Variants in ABCA4 observed in about 807,000 individuals in gnomAD.
The protein encoded by ABCA4 is retinal-specific phospholipid-transporting ATPase ABCA4.
In ABCA4, 196 loss-of-function variants were observed where a neutral mutation model predicts 263.7. The ratio of observed to expected loss-of-function variants is 0.74; its 90% CI spans 0.66 to 0.84. ABCA4 has a LOEUF of 0.84. Ranked by LOEUF, ABCA4 falls within the 40% of genes least tolerant of loss-of-function variation. The pLI, the probability that ABCA4 is intolerant of heterozygous loss-of-function variation, is 0.00. For synonymous variants in ABCA4, 1,133 were observed against 1,094.2 expected (o/e 1.04, Z -0.70); for missense variants, 2,792 against 2,855.1 (o/e 0.98, Z 0.50).
intron 30 of ABCA4, among the ~76,000 whole-genome samples, chr1:94,028,691 G>C (rs980328849): frequency 1.3e-5 from 2 of 152,018 alleles, no homozygotes; most frequent in African/African-American, 4.8e-5. Flanking sequence ...TAGATCACTT[G>C]AGGCCAGGAG....
rs547098179 is a variant in ABCA4 at position 94,056,506 on chromosome 1, T to G, written c.2382+95A>C. The G allele has an allele frequency of 3.6e-4, 487 of 1,341,092 alleles. 1 individual carries two copies. The highest frequency in any genetic ancestry group is 4.8e-4 in the Non-Finnish European group (458 of 954,110). The allele number at this position is 1,341,092 out of a possible 1,614,324, so 83.1% of individuals were successfully genotyped here. Reference sequence around the variant, plus strand: ...TTTTAACCTTAGGTCAAAGGCAAAGTGGACCCCCTCAGAGGGCAGGCTGGG... The same window carrying G: ...TTTTAACCTTAGGTCAAAGGCAAAGGGGACCCCCTCAGAGGGCAGGCTGGG... On this transcript the variant is annotated intron_variant, in intron 15 of 49. Coordinates refer to ENST00000370225, the MANE Select transcript of ABCA4 (RefSeq NM_000350.3).
At chr1:94,036,301 C>T (rs1660333942) in intron 26 of ABCA4, among the ~76,000 whole-genome samples, 1 of 150,526 alleles carries the variant, frequency 6.6e-6, no homozygotes, top group Non-Finnish European at 1.5e-5. Flanking sequence ...ATCTAGGATG[C>T]AAAATGCCTA....
At chr1:94,004,216 A>G (rs1431449741) in intron 44 of ABCA4, among the ~76,000 whole-genome samples, 2 of 152,058 alleles carry the variant, frequency 1.3e-5, no homozygotes, top group African/African-American at 4.8e-5. Flanking sequence ...ACACATCTGC[A>G]TGCACCCACA....
intron 11 of ABCA4, among the ~76,000 whole-genome samples, chr1:94,065,032 T>G (rs1661228908): frequency 6.6e-6 from 1 of 152,162 alleles, no homozygotes; most frequent in Non-Finnish European, 1.5e-5. Flanking sequence ...CCTGGAATCC[T>G]CATTTTACTG....
At chr1:94,072,468 G>A (rs1266255483) in intron 11 of ABCA4, among the ~76,000 whole-genome samples, 1 of 152,134 alleles carries the variant, frequency 6.6e-6, no homozygotes, top group African/African-American at 2.4e-5. Flanking sequence ...TTTCATCTGT[G>A]CCAGGCCTAA....
At chr1:94,021,122 T>C in intron 35 of ABCA4, 118 bp downstream of exon 35, 1 of 1,425,242 alleles carries the variant, frequency 7.0e-7, no homozygotes, top group Non-Finnish European at 9.9e-7. Flanking sequence ...CATATGTGCC[T>C]GACTAAACAG....
chr1:94,044,560 G>A, intron 20 of ABCA4, 53 bp downstream of exon 20: 1 of 1,613,966 alleles, frequency 6.2e-7, no homozygotes, highest in South Asian at 1.1e-5. Context: ...AAGTGTGCTG[G>A]GGGCAGAGGT....
intron 38 of ABCA4, among the ~76,000 whole-genome samples, chr1:94,014,140 T>G (rs1248908515): frequency 6.6e-6 from 1 of 151,248 alleles, no homozygotes; most frequent in Non-Finnish European, 1.5e-5. Flanking sequence ...CAGAAAACCA[T>G]TTCATTCAGA....
chr1:94,080,639 G>T lies in ABCA4; in HGVS notation c.938C>A (p.Thr313Lys), dbSNP rs911073778. Reference sequence around the variant, plus strand: ...GTCAGACAGGATGCCCATCAGCTTTGTAAAGGTCTCTGGACCACCATTCTG... The same window carrying T: ...GTCAGACAGGATGCCCATCAGCTTTTTAAAGGTCTCTGGACCACCATTCTG... ...LMQNGGPETF[T>K]KLMGILSDLL... Residue 313 changes from threonine to lysine, a missense_variant, in exon 8 of 50, where the codon ACA becomes AAA. Coordinates refer to ENST00000370225, the MANE Select transcript of ABCA4 (RefSeq NM_000350.3). 1 of 1,614,146 alleles carries T rather than the reference G, an allele frequency of 6.2e-7. No homozygotes were observed. Among genetic ancestry groups the T allele is most frequent in the Admixed American group, 1.7e-5 (1 of 60,016 alleles).
chr1:94,042,773 T>C lies in ABCA4; in HGVS notation c.3316A>G (p.Lys1106Glu). ...SRRSIWDLLLKYRSGRTIIMS... is the reference protein window; with the variant it reads ...SRRSIWDLLLEYRSGRTIIMS... ...CAGCAGCTGTTACCTGAGCGATACT[T>C]CAGGAGCAGATCCCAGATTGAGCGT... The change falls in exon 22 of 50, where the codon AAG becomes GAG. Residue 1106 changes from lysine (K) to glutamate (E), a missense_variant. Transcript: ENST00000370225. The C allele has an allele frequency of 6.2e-7, 1 of 1,614,134 alleles. No homozygotes were observed. The highest frequency in any genetic ancestry group is 8.5e-7 in the Non-Finnish European group (1 of 1,180,030).
chr1:94,010,760 C>T, intron 40 of ABCA4, 40 bp downstream of exon 40: 2 of 1,613,958 alleles, frequency 1.2e-6, no homozygotes, highest in Non-Finnish European at 1.7e-6. Flanking sequence ...TTCTGGATGC[C>T]CTGAGCTGCC....
intron 36 of ABCA4, among the ~76,000 whole-genome samples, chr1:94,018,091 T>C (rs1659786769): frequency 1.3e-5 from 2 of 152,160 alleles, no homozygotes; most frequent in South Asian, 4.1e-4. Flanking sequence ...CTTCTACCCC[T>C]TCATTGGACT....
In ABCA4 at chr1:94,102,301, T is replaced by C. The variant is rs184503445; in HGVS notation, c.570+714A>G. Among the ~76,000 whole-genome samples, 71 of 152,058 alleles carry C rather than the reference T, an allele frequency of 4.7e-4. 1 individual carries two copies. The highest frequency in any genetic ancestry group is 1.5e-3 in the African/African-American group (63 of 41,452). On this transcript the variant is annotated intron_variant, in intron 5 of 49. Coordinates refer to ENST00000370225, the MANE Select transcript of ABCA4 (RefSeq NM_000350.3). ...AGTTTGCCTGGTGCTGAGAAGGAAG[T>C]GGTCCAGGAAAGCAGAAGTGGGCTC...
chr1:94,121,114 C>G lies in ABCA4; in HGVS notation c.-69G>C, dbSNP rs1354172061. The G allele has an allele frequency of 4.9e-6, 7 of 1,439,030 alleles. No individual in the cohort carries two copies. The Admixed American group carries it at 1.0e-4, about 21-fold the overall frequency. The allele number at this position is 1,439,030 out of a possible 1,614,324, so 89.1% of individuals were successfully genotyped here. ...CTCAGACAGCAAAGGACATAAACGCCGTTAAGAGCGCCTCTGGCTCCGGAC... is the reference window on the plus strand; with the variant it reads ...CTCAGACAGCAAAGGACATAAACGCGGTTAAGAGCGCCTCTGGCTCCGGAC... On this transcript the variant is annotated 5_prime_UTR_variant, in exon 1 of 50. Transcript: ENST00000370225.
At chr1:94,090,179 C>T (rs1661934093) in intron 6 of ABCA4, among the ~76,000 whole-genome samples, 2 of 152,148 alleles carry the variant, frequency 1.3e-5, no homozygotes, top group Admixed American at 1.3e-4. Flanking sequence ...TGGCCCTGGC[C>T]AGGAATCAGT....
intron 45 of ABCA4, 72 bp downstream of exon 45, chr1:94,001,786 G>A: frequency 6.2e-7 from 1 of 1,610,200 alleles, no homozygotes; most frequent in Non-Finnish European, 8.5e-7. Flanking sequence ...TGCCGACCCA[G>A]AACCTATTTC....
At chr1:94,055,888 C>A (rs1419355177) in intron 15 of ABCA4, among the ~76,000 whole-genome samples, 1 of 152,212 alleles carries the variant, frequency 6.6e-6, no homozygotes, top group East Asian at 1.9e-4. Context: ...CCCTTCTTGA[C>A]TCTACAGCAC....
intron 47 of ABCA4, among the ~76,000 whole-genome samples, chr1:93,998,895 C>T (rs1244999560): frequency 3.4e-5 from 5 of 145,478 alleles, no homozygotes; most frequent in African/African-American, 1.4e-4. Context: ...CCTGCCACCA[C>T]ACTCGGCTAA....
intron 21 of ABCA4, 46 bp downstream of exon 21, chr1:94,043,290 C>T: frequency 6.2e-7 from 1 of 1,613,470 alleles, no homozygotes; most frequent in Non-Finnish European, 8.5e-7. Flanking sequence ...ACTGGGGAGC[C>T]ATGGATTTGC....
Sources: allele counts gnomAD v4.1 joint callset (sites outside exome capture counted in the v4.1 genomes callset), GRCh38; gene constraint gnomAD v4.1.1; transcripts MANE v1.5; gene names NCBI Gene and HGNC (gene_info 2026-07-23, HGNC 2026-07-21).